Variants in CADPS2 observed in about 807,000 individuals in gnomAD.
CADPS2 encodes the protein calcium dependent secretion activator 2, also known as calcium-dependent secretion activator 2.
In CADPS2, 93 loss-of-function variants were observed where a neutral mutation model predicts 172.5. That is an observed-to-expected ratio of 0.54 (90% CI 0.46 to 0.64). The LOEUF (loss-of-function observed/expected upper bound fraction) is 0.64. Ranked by LOEUF, CADPS2 falls within the 30% of genes least tolerant of loss-of-function variation. The pLI is 0.00. For synonymous variants in CADPS2, 546 were observed against 555.2 expected (o/e 0.98, Z 0.23); for missense variants, 1,420 against 1,565.9 (o/e 0.91, Z 1.57).
chr7:122,579,016 C>A (rs1307777261), intron 7 of CADPS2, among the ~76,000 whole-genome samples: 1 of 151,942 alleles, frequency 6.6e-6, no homozygotes, highest in Non-Finnish European at 1.5e-5. Flanking sequence ...GTCATAAGTT[C>A]TATTACAAAA....
At chr7:122,454,216 A>G (rs1429914171) in intron 14 of CADPS2, among the ~76,000 whole-genome samples, 1 of 152,170 alleles carries the variant, frequency 6.6e-6, no homozygotes, top group African/African-American at 2.4e-5. Flanking sequence ...AGAATTTTAA[A>G]TACGTGTCTG....
chr7:122,812,277 G>T (rs1800183556), intron 1 of CADPS2, among the ~76,000 whole-genome samples: 1 of 151,934 alleles, frequency 6.6e-6, no homozygotes, highest in South Asian at 2.1e-4. Context: ...ATTCTGGTTA[G>T]CTATAATGTT....
intron 17 of CADPS2, among the ~76,000 whole-genome samples, chr7:122,421,791 A>G (rs1426183934): frequency 6.6e-6 from 1 of 152,232 alleles, no homozygotes; most frequent in Non-Finnish European, 1.5e-5. Flanking sequence ...CAGGGTTATT[A>G]GCTTGCAAGA....
intron 1 of CADPS2, among the ~76,000 whole-genome samples, chr7:122,835,290 C>T (rs376522444): frequency 3.1e-4 from 47 of 152,282 alleles, no homozygotes; most frequent in African/African-American, 1.1e-3. Context: ...CTGTACATCA[C>T]CATCATCAAA....
intron 2 of CADPS2, among the ~76,000 whole-genome samples, chr7:122,689,782 T>G (rs902608281): frequency 6.6e-6 from 1 of 152,124 alleles, no homozygotes; most frequent in Non-Finnish European, 1.5e-5. Flanking sequence ...TGCACAAACC[T>G]CAGCAGGCAA....
intron 2 of CADPS2, among the ~76,000 whole-genome samples, chr7:122,729,263 A>C (rs2091413117): frequency 6.6e-6 from 1 of 151,700 alleles, no homozygotes; most frequent in Non-Finnish European, 1.5e-5. Flanking sequence ...TTATCCATTC[A>C]TCTGTTGATA....
chr7:122,595,362 C>A (rs1587694312), intron 6 of CADPS2, among the ~76,000 whole-genome samples: 1 of 152,014 alleles, frequency 6.6e-6, no homozygotes, highest in East Asian at 1.9e-4. Context: ...TAATTGATGT[C>A]TAATTCGATG....
chr7:122,802,500 C>T (rs557602981), intron 1 of CADPS2, among the ~76,000 whole-genome samples: 1 of 152,268 alleles, frequency 6.6e-6, no homozygotes, highest in Non-Finnish European at 1.5e-5. Context: ...CAAGCACATA[C>T]AGGCCCATAA....
chr7:122,369,137 C>G (rs987106233), intron 25 of CADPS2, among the ~76,000 whole-genome samples: 12 of 92,170 alleles, frequency 1.3e-4, no homozygotes, highest in South Asian at 4.6e-4. Flanking sequence ...TCCCCCCCCC[C>G]CCCCCTTTTT....
At chr7:122,625,043 ATGAT>A (rs2075948090) in intron 4 of CADPS2, among the ~76,000 whole-genome samples, 1 of 112,368 alleles carries the variant, frequency 8.9e-6, no homozygotes, top group Non-Finnish European at 1.9e-5. Context: ...AGGAAGTATG[ATGAT>A]TAATTATTTT....
chr7:122,527,617 A>AGAGAGAGAGTGTGT lies in CADPS2; in HGVS notation c.1476-14303_1476-14302insACACACTCTCTCTC. 5.7e-3 allele frequency among the ~76,000 whole-genome samples: 478 copies of AGAGAGAGAGTGTGT among 83,852 alleles called. 5 individuals carry two copies. Among genetic ancestry groups the AGAGAGAGAGTGTGT allele is most frequent in the Non-Finnish European group, 9.4e-3 (359 of 38,316 alleles). 55.0% of individuals were successfully genotyped at this position (83,852 alleles called of 152,430 possible). A position where few individuals can be genotyped will look rare whatever the true frequency, so the allele number is the denominator to read the frequency against. The stretch of plus-strand genomic sequence containing the variant: ...GAGAGAGAGAGAGAGAGAGAGAGAG[A>AGAGAGAGAGTGTGT]GTGTGTGTGTGTGTGTGTGTGTGTG... On this transcript the variant is annotated intron_variant, in intron 8 of 29. Coordinates refer to ENST00000449022, the MANE Select transcript of CADPS2 (RefSeq NM_017954.11).
At chr7:122,479,018 T>G (rs1342788381) in intron 12 of CADPS2, among the ~76,000 whole-genome samples, 1 of 152,022 alleles carries the variant, frequency 6.6e-6, no homozygotes, top group Non-Finnish European at 1.5e-5. Context: ...CTCCTAGTGT[T>G]GTGAGAAATC....
chr7:122,416,863 G>T (rs899909881), intron 17 of CADPS2, among the ~76,000 whole-genome samples: 4 of 152,144 alleles, frequency 2.6e-5, no homozygotes, highest in Admixed American at 6.5e-5. Flanking sequence ...TACAGAGAAG[G>T]CAAAGTAGTT....
Position 122,432,644 on chromosome 7 carries a change from A to G in CADPS2, c.2476+5697T>C, listed in dbSNP as rs1175121452. ...CAACAAGGCAAGACTCTGTTAAAAT[A>G]AAAAAAAAAAAAAAAAAGAAAAAAA... is the stretch of plus-strand genomic sequence containing the variant. On this transcript the variant is annotated intron_variant, in intron 17 of 29. Coordinates refer to ENST00000449022, the MANE Select transcript of CADPS2 (RefSeq NM_017954.11). 4.7e-3 allele frequency among the ~76,000 whole-genome samples: 226 copies of G among 48,504 alleles called. 2 individuals are homozygous for G. The highest frequency in any genetic ancestry group is 0.016 in the African/African-American group (216 of 13,594). 31.8% of individuals were successfully genotyped at this position (48,504 alleles called of 152,430 possible). A position where few individuals can be genotyped will look rare whatever the true frequency, so the allele number is the denominator to read the frequency against.
chr7:122,574,574 G>A (rs1276752188), intron 7 of CADPS2, among the ~76,000 whole-genome samples: 2 of 150,560 alleles, frequency 1.3e-5, no homozygotes, highest in Admixed American at 6.6e-5. Flanking sequence ...GGGGCAGGGA[G>A]AGTACAAGTT....
Position 122,447,543 on chromosome 7 carries a change from ATTTTTTTTTTT to A in CADPS2, c.2288+3820_2288+3830del, listed in dbSNP as rs1159112244. Reference sequence around the variant, plus strand: ...CCATGTTGATTTCTTGTTTCGGGGAATTTTTTTTTTTTTTTTTTTTTTTTTTTTGAGACACA... The same window carrying A: ...CCATGTTGATTTCTTGTTTCGGGGAATTTTTTTTTTTTTTTTTGAGACACA... On this transcript the variant is annotated intron_variant, in intron 15 of 29. Transcript: ENST00000449022. Among the ~76,000 whole-genome samples, 154 of 89,796 alleles carry A rather than the reference ATTTTTTTTTTT, an allele frequency of 1.7e-3. 5 individuals are homozygous for A. The highest frequency in any genetic ancestry group is 5.4e-3 in the African/African-American group (143 of 26,658). 58.9% of individuals were successfully genotyped at this position (89,796 alleles called of 152,430 possible). A position where few individuals can be genotyped will look rare whatever the true frequency, so the allele number is the denominator to read the frequency against.
At chr7:122,621,947 C>T (rs1458410603) in intron 4 of CADPS2, among the ~76,000 whole-genome samples, 3 of 151,968 alleles carry the variant, frequency 2.0e-5, no homozygotes, top group Non-Finnish European at 2.9e-5. Flanking sequence ...ATGAAAAAAT[C>T]GCATATATTT....
chr7:122,801,703 T>G (rs1033720666), intron 1 of CADPS2, among the ~76,000 whole-genome samples: 1 of 152,202 alleles, frequency 6.6e-6, no homozygotes, highest in East Asian at 1.9e-4. Flanking sequence ...ATGTAAAAAT[T>G]GTCTTTCCTG....
chr7:122,835,423 A>G (rs544009493), intron 1 of CADPS2, among the ~76,000 whole-genome samples: 1 of 152,358 alleles, frequency 6.6e-6, no homozygotes, highest in African/African-American at 2.4e-5. Context: ...AATGGAACAA[A>G]GCTGGATGGA....
Sources: allele counts gnomAD v4.1 joint callset (sites outside exome capture counted in the v4.1 genomes callset), GRCh38; gene constraint gnomAD v4.1.1; transcripts MANE v1.5; gene names NCBI Gene and HGNC (gene_info 2026-07-23, HGNC 2026-07-21).